The following CNTNAP2 variants were observed in gnomAD, a reference collection of about 807,000 sequenced individuals.
CNTNAP2 encodes the protein contactin associated protein 2.
A neutral mutation model predicts 155.2 loss-of-function variants in CNTNAP2; 98 were observed. The observed-to-expected ratio is 0.63, with a 90% CI of 0.54 to 0.75. The LOEUF is 0.75. CNTNAP2 is among the 30% of genes least tolerant of loss of function. The probability of loss-of-function intolerance (pLI) is 0.00; values close to 1 mark genes in which losing one functional copy is unlikely to be tolerated. For missense variants in CNTNAP2, 1,727 were observed against 1,688.1 expected (o/e 1.02, Z -0.40); for synonymous variants, 651 against 631.2 (o/e 1.03, Z -0.47).
intron 19 of CNTNAP2, among the ~76,000 whole-genome samples, chr7:148,225,636 ATC>A (rs1326118306): frequency 6.6e-6 from 1 of 152,208 alleles, no homozygotes; most frequent in Non-Finnish European, 1.5e-5. Context: ...GACACTGTGT[ATC>A]TCAGGGTCAG....
intron 1 of CNTNAP2, among the ~76,000 whole-genome samples, chr7:146,594,468 T>C (rs1479484581): frequency 1.3e-5 from 2 of 148,796 alleles, no homozygotes; most frequent in Admixed American, 1.3e-4. Flanking sequence ...TTTTCATAAA[T>C]GTGACTCCCT....
At chr7:146,793,648 C>A (rs1160330194) in intron 2 of CNTNAP2, among the ~76,000 whole-genome samples, 1 of 152,214 alleles carries the variant, frequency 6.6e-6, no homozygotes. Flanking sequence ...CATTGGAAAA[C>A]CTTCAGCAAA....
At chr7:147,806,395 A>G (rs1415266468) in intron 13 of CNTNAP2, among the ~76,000 whole-genome samples, 1 of 152,170 alleles carries the variant, frequency 6.6e-6, no homozygotes, top group African/African-American at 2.4e-5. Flanking sequence ...TGGTGGTGGG[A>G]ATGTGAATTA....
chr7:147,667,656 A>G (rs1480157814), intron 13 of CNTNAP2, among the ~76,000 whole-genome samples: 1 of 152,034 alleles, frequency 6.6e-6, no homozygotes, highest in Non-Finnish European at 1.5e-5. Flanking sequence ...TGCTCCTTTT[A>G]TTGGTGATCT....
At chr7:147,871,309 G>T (rs1181622948) in intron 13 of CNTNAP2, among the ~76,000 whole-genome samples, 1 of 152,194 alleles carries the variant, frequency 6.6e-6, no homozygotes, top group Non-Finnish European at 1.5e-5. Flanking sequence ...GGCAGGATTT[G>T]AACTTAAGTC....
At position 147,507,361 on chromosome 7, in the gene CNTNAP2, A is replaced by C. The variant is rs897595479; in HGVS notation, c.1777+21320A>C. ...ACATTTCTTATGGACTCAGCTAAGT[A>C]ACCCAAGGAGGTTGTCTCTCTTCAC... On this transcript the variant is annotated intron_variant, in intron 11 of 23. Transcript: ENST00000361727. Among the ~76,000 whole-genome samples, 5 of 152,202 alleles carry C rather than the reference A, an allele frequency of 3.3e-5. 1 individual carries two copies. The Middle Eastern group carries it at 0.017, about 518-fold the overall frequency.
chr7:147,608,679 G>A (rs2116873009), intron 12 of CNTNAP2, among the ~76,000 whole-genome samples: 1 of 152,262 alleles, frequency 6.6e-6, no homozygotes, highest in East Asian at 1.9e-4. Flanking sequence ...AAAACAAAAT[G>A]AAGAAAGGGT....
At chr7:147,982,142 C>T (rs1757575738) in intron 15 of CNTNAP2, among the ~76,000 whole-genome samples, 1 of 152,218 alleles carries the variant, frequency 6.6e-6, no homozygotes, top group African/African-American at 2.4e-5. Flanking sequence ...GTAGAAATCT[C>T]ATACTATATA....
intron 1 of CNTNAP2, among the ~76,000 whole-genome samples, chr7:146,518,139 G>T (rs1336919896): frequency 1.3e-5 from 2 of 151,656 alleles, no homozygotes; most frequent in Admixed American, 6.6e-5. Flanking sequence ...GTAAGAATTA[G>T]TATAATATAT....
chr7:146,349,521 T>C (rs1424727259), intron 1 of CNTNAP2, among the ~76,000 whole-genome samples: 1 of 152,216 alleles, frequency 6.6e-6, no homozygotes, highest in Non-Finnish European at 1.5e-5. Context: ...GGATGTTAGC[T>C]GGTTATTTTG....
chr7:147,601,282 G>T (rs533797325), intron 12 of CNTNAP2, among the ~76,000 whole-genome samples: 1 of 152,064 alleles, frequency 6.6e-6, no homozygotes, highest in Non-Finnish European at 1.5e-5. Context: ...GTGCAGGCGG[G>T]CTGAGTCTGA....
chr7:148,263,594 G>C (rs930912356), intron 20 of CNTNAP2, among the ~76,000 whole-genome samples: 1 of 151,916 alleles, frequency 6.6e-6, no homozygotes, highest in Non-Finnish European at 1.5e-5. Context: ...AAAATTAGCC[G>C]GGCGTGGTGG....
At chr7:146,373,366 C>T (rs763476418) in intron 1 of CNTNAP2, among the ~76,000 whole-genome samples, 5 of 151,356 alleles carry the variant, frequency 3.3e-5, no homozygotes, top group African/African-American at 9.7e-5. Context: ...TAAGGAGAGA[C>T]AGTAACTATA....
At position 148,312,608 on chromosome 7, in the gene CNTNAP2, G is replaced by A. The variant is rs1585263563; in HGVS notation, c.3475+45482G>A. On this transcript the variant is annotated intron_variant, in intron 21 of 23. Coordinates refer to ENST00000361727, the MANE Select transcript of CNTNAP2 (RefSeq NM_014141.6). ...GAGAGTATATGGGTTTGGCACCACA[G>A]GGTGGATAGGCAAAACAATTTGGTT... Among the ~76,000 whole-genome samples the A allele has an allele frequency of 2.6e-5, 4 of 152,200 alleles. No individual in the cohort carries two copies. In the South Asian group the frequency reaches 8.3e-4, roughly 31 times the overall value.
intron 7 of CNTNAP2, 120 bp from the exon 8 acceptor site, chr7:147,132,123 TGA>T (rs1305422331): frequency 8.0e-7 from 1 of 1,248,478 alleles, no homozygotes; most frequent in Admixed American, 1.7e-5. Context: ...CTGCTGTGTG[TGA>T]GTTTAGCTTA....
At chr7:146,943,722 C>A (rs1584738556) in intron 3 of CNTNAP2, among the ~76,000 whole-genome samples, 1 of 152,256 alleles carries the variant, frequency 6.6e-6, no homozygotes, top group African/African-American at 2.4e-5. Flanking sequence ...TCGAGCATCA[C>A]TAGTGGCACC....
chr7:147,101,403 C>G (rs754039102), intron 4 of CNTNAP2, among the ~76,000 whole-genome samples: 1 of 152,176 alleles, frequency 6.6e-6, no homozygotes, highest in African/African-American at 2.4e-5. Flanking sequence ...CTGGAGCGAG[C>G]GCTTTTGGGC....
rs183018184 is a variant in CNTNAP2, at chr7:147,578,852, G to A, written c.1897+16595G>A. On this transcript the variant is annotated intron_variant, in intron 12 of 23. Transcript: ENST00000361727. ...TTTTCAACAGAGATACAACTTTTCCGTCTTTTGCCTTCTCTAAGCTTAGAA... is the reference window on the plus strand; with the variant it reads ...TTTTCAACAGAGATACAACTTTTCCATCTTTTGCCTTCTCTAAGCTTAGAA... 4.5e-3 allele frequency among the ~76,000 whole-genome samples: 665 copies of A among 146,274 alleles called. 3 individuals carry two copies. Among genetic ancestry groups the A allele is most frequent in the Non-Finnish European group, 6.7e-3 (452 of 67,810 alleles).
chr7:146,835,925 T>C (rs1326414588), intron 2 of CNTNAP2, among the ~76,000 whole-genome samples: 1 of 152,192 alleles, frequency 6.6e-6, no homozygotes, highest in Admixed American at 6.5e-5. Context: ...GGCAGGGTAC[T>C]GGCTTTTTAT....
Sources: allele counts gnomAD v4.1 joint callset (sites outside exome capture counted in the v4.1 genomes callset), GRCh38; gene constraint gnomAD v4.1.1; transcripts MANE v1.5; gene names NCBI Gene and HGNC (gene_info 2026-07-23, HGNC 2026-07-21).